Variants in NREP observed in about 807,000 individuals in gnomAD.
The protein encoded by NREP is neuronal regeneration related protein.
In NREP, 5 loss-of-function variants were observed where a neutral mutation model predicts 8.6. That is an observed-to-expected ratio of 0.58 (90% CI 0.30 to 1.22). The LOEUF is 1.22. Ranked by LOEUF, NREP falls within the 50% of genes most tolerant of loss-of-function variation. The pLI, the probability that NREP is intolerant of heterozygous loss-of-function variation, is 0.07. For synonymous variants in NREP, 27 were observed against 28.0 expected (o/e 0.96, Z 0.11); for missense variants, 86 against 82.5 (o/e 1.04, Z -0.17).
At chr5:111,855,661 C>A (rs1346225386) in intron 2 of NREP, among the ~76,000 whole-genome samples, 2 of 152,110 alleles carry the variant, frequency 1.3e-5, no homozygotes, top group African/African-American at 4.8e-5. Context: ...CATCTAAGAA[C>A]CTTCAGGGGA....
chr5:111,957,444 T>C (rs1473146587), intron 2 of NREP, among the ~76,000 whole-genome samples: 3 of 151,960 alleles, frequency 2.0e-5, no homozygotes, highest in Non-Finnish European at 4.4e-5. Context: ...CATAACCATA[T>C]AGTTTTATAA....
intron 2 of NREP, among the ~76,000 whole-genome samples, chr5:111,828,585 G>A (rs376858923): frequency 1.9e-4 from 29 of 152,022 alleles, no homozygotes; most frequent in African/African-American, 2.7e-4. Flanking sequence ...AGATTAGAGC[G>A]CTTAATTACA....
intron 2 of NREP, among the ~76,000 whole-genome samples, chr5:111,874,789 G>C (rs1753866608): frequency 1.3e-5 from 2 of 152,114 alleles, no homozygotes; most frequent in African/African-American, 2.4e-5. Flanking sequence ...CAGGGTGGGT[G>C]CTTCAAAGAC....
At chr5:111,776,990 T>TGAGGAGGAGGAGGAGGAGGAAGGAG (rs58158043) in intron 2 of NREP, among the ~76,000 whole-genome samples, 3 of 132,622 alleles carry the variant, frequency 2.3e-5, no homozygotes, top group Non-Finnish European at 3.2e-5. Context: ...AGAAAAAGGA[T>TGAGGAGGAGGAGGAGGAGGAAGGAG]GAGGAGGAGG....
chr5:111,966,182 A>C (rs1315988780), intron 2 of NREP, among the ~76,000 whole-genome samples: 1 of 152,266 alleles, frequency 6.6e-6, no homozygotes, highest in Non-Finnish European at 1.5e-5. Context: ...AGTAGGGAAG[A>C]ACATGGAATT....
At chr5:111,943,725 C>T (rs1334609267) in intron 2 of NREP, among the ~76,000 whole-genome samples, 4 of 152,058 alleles carry the variant, frequency 2.6e-5, no homozygotes, top group Admixed American at 2.6e-4. Flanking sequence ...TAGAGGGCAT[C>T]CTCTTTCTAA....
intron 2 of NREP, among the ~76,000 whole-genome samples, chr5:111,825,887 G>A (rs1484815867): frequency 6.6e-6 from 1 of 151,916 alleles, no homozygotes; most frequent in African/African-American, 2.4e-5. Flanking sequence ...TCTGATGGGT[G>A]GCACCTAGGT....
chr5:111,940,007 A>G (rs1185746966), intron 2 of NREP: 1 of 152,090 alleles, frequency 6.6e-6, no homozygotes, highest in Non-Finnish European at 1.5e-5. Context: ...TCAATGTTCA[A>G]TTAACTTGGC....
At chr5:111,864,945 GTTATC>G (rs1561699359) in intron 2 of NREP, among the ~76,000 whole-genome samples, 1 of 152,084 alleles carries the variant, frequency 6.6e-6, no homozygotes, top group Non-Finnish European at 1.5e-5. Context: ...ATTTTGCTCA[GTTATC>G]TTAGCTATTC....
chr5:111,945,244 CAT>C (rs1250046625), intron 2 of NREP, among the ~76,000 whole-genome samples: 1 of 152,032 alleles, frequency 6.6e-6, no homozygotes, highest in Non-Finnish European at 1.5e-5. Context: ...TTCAAGGCTC[CAT>C]ATGAGTTGAT....
intron 2 of NREP, among the ~76,000 whole-genome samples, chr5:111,765,266 T>C (rs926942539): frequency 6.6e-6 from 1 of 152,162 alleles, no homozygotes; most frequent in Non-Finnish European, 1.5e-5. Flanking sequence ...ACCAATGATC[T>C]GACAGGAGGC....
At chr5:111,786,845 G>C (rs998883582) in intron 2 of NREP, among the ~76,000 whole-genome samples, 1 of 152,106 alleles carries the variant, frequency 6.6e-6, no homozygotes. Flanking sequence ...CTGTTTTTCT[G>C]TACAACAACA....
intron 2 of NREP, among the ~76,000 whole-genome samples, chr5:111,843,162 G>T (rs1753073925): frequency 6.6e-6 from 1 of 151,738 alleles, no homozygotes; most frequent in African/African-American, 2.4e-5. Flanking sequence ...GCTCCTTTTA[G>T]GACTTTCATA....
intron 2 of NREP, among the ~76,000 whole-genome samples, chr5:111,765,089 G>A (rs148727492): frequency 1.3e-5 from 2 of 152,252 alleles, no homozygotes; most frequent in East Asian, 1.9e-4. Context: ...ACAGGGACTG[G>A]TTTCCTGGAA....
chr5:111,790,525 C>G (rs1426641474), intron 2 of NREP, among the ~76,000 whole-genome samples: 2 of 151,872 alleles, frequency 1.3e-5, no homozygotes, highest in Non-Finnish European at 2.9e-5. Flanking sequence ...TTTGAGAGGC[C>G]AAGGTGGAAG....
chr5:111,755,267 AGT>A (rs1750626416), intron 2 of NREP: 1 of 152,950 alleles, frequency 6.5e-6, no homozygotes, highest in Non-Finnish European at 1.5e-5. Context: ...GAAAAATAAC[AGT>A]AATTATATTT....
chr5:111,918,085 T>G (rs2112574301), intron 2 of NREP, among the ~76,000 whole-genome samples: 2 of 152,206 alleles, frequency 1.3e-5, no homozygotes, highest in African/African-American at 4.8e-5. Flanking sequence ...GAGAGCCAAA[T>G]CATGAGTGAA....
chr5:111,893,038 C>G (rs745375960), intron 2 of NREP, among the ~76,000 whole-genome samples: 1 of 152,204 alleles, frequency 6.6e-6, no homozygotes, highest in Admixed American at 6.5e-5. Flanking sequence ...CACAGCAGGT[C>G]TCATGATATT....
At chr5:111,803,018 T>C (rs1242372505) in intron 2 of NREP, among the ~76,000 whole-genome samples, 1 of 152,136 alleles carries the variant, frequency 6.6e-6, no homozygotes. Flanking sequence ...ACTGGGAGAA[T>C]GGTGTTGCCA....
Sources: gnomAD v4.1 joint callset for allele counts (sites outside exome capture counted in the v4.1 genomes callset) on GRCh38, gnomAD v4.1.1 for gene constraint, MANE v1.5 for transcripts, NCBI Gene and HGNC (gene_info 2026-07-23, HGNC 2026-07-21) for gene names.